TOX: variants seen among roughly 807,000 people sequenced by gnomAD.
TOX encodes the protein thymocyte selection associated high mobility group box.
A neutral mutation model predicts 53.7 loss-of-function variants in TOX; 11 were observed. The observed-to-expected ratio is 0.20, with a 90% CI of 0.13 to 0.34. The LOEUF is 0.34. Among genes scored for constraint, TOX ranks in the 10% least tolerant of loss-of-function variants. The probability of loss-of-function intolerance (pLI) is 1.00; values close to 1 mark genes in which losing one functional copy is unlikely to be tolerated. For synonymous variants in TOX, 225 were observed against 245.3 expected (o/e 0.92, Z 0.77); for missense variants, 570 against 664.6 (o/e 0.86, Z 1.56).
intron 1 of TOX, among the ~76,000 whole-genome samples, chr8:59,058,900 G>C (rs73254502): frequency 0.078 from 11,895 of 152,220 alleles, 660 homozygotes; most frequent in Middle Eastern, 0.15. Context: ...ACAGCCCAGG[G>C]CATCCAGGAA....
At chr8:58,827,575 T>C (rs573785811) in intron 5 of TOX, among the ~76,000 whole-genome samples, 13 of 152,204 alleles carry the variant, frequency 8.5e-5, no homozygotes, top group Non-Finnish European at 1.6e-4. Flanking sequence ...ACACTGGATG[T>C]CATGGGTCTG....
intron 1 of TOX, among the ~76,000 whole-genome samples, chr8:59,094,149 G>A (rs908827792): frequency 6.6e-6 from 1 of 151,860 alleles, no homozygotes; most frequent in Non-Finnish European, 1.5e-5. Flanking sequence ...TCTTTAATAA[G>A]ATAAATATTT....
At chr8:58,906,976 A>G (rs1227170757) in intron 3 of TOX, among the ~76,000 whole-genome samples, 1 of 152,236 alleles carries the variant, frequency 6.6e-6, no homozygotes, top group African/African-American at 2.4e-5. Flanking sequence ...AGCCTGTAGC[A>G]CTGAAAGTCT....
At position 58,837,799 on chromosome 8, in the gene TOX, C is replaced by T. The variant is rs150651867; in HGVS notation, c.924+282G>A. 6.2e-3 allele frequency among the ~76,000 whole-genome samples: 949 copies of T among 152,172 alleles called. 8 individuals carry two copies. The highest frequency in any genetic ancestry group is 0.021 in the African/African-American group (887 of 41,496). On this transcript the variant is annotated intron_variant, in intron 5 of 8. Coordinates refer to ENST00000361421, the MANE Select transcript of TOX (RefSeq NM_014729.3). ...TCAGTCTTTATGTTCACATTGGCAA[C>T]ATTAAGGAATAAGGCAATCCTGTCT... is the stretch of plus-strand genomic sequence containing the variant.
At chr8:58,849,721 G>C (rs566802276) in intron 4 of TOX, among the ~76,000 whole-genome samples, 1 of 152,248 alleles carries the variant, frequency 6.6e-6, no homozygotes, top group Non-Finnish European at 1.5e-5. Context: ...TGAAATGTCA[G>C]GAATGAATAC....
intron 5 of TOX, among the ~76,000 whole-genome samples, chr8:58,828,295 C>T (rs1810396724): frequency 6.6e-6 from 1 of 152,156 alleles, no homozygotes; most frequent in Admixed American, 6.5e-5. Context: ...TATAACAGGA[C>T]TGTATGAAAT....
intron 1 of TOX, among the ~76,000 whole-genome samples, chr8:59,001,131 C>T (rs1241732093): frequency 6.6e-6 from 1 of 152,104 alleles, no homozygotes; most frequent in Non-Finnish European, 1.5e-5. Context: ...CCTACAAGAA[C>T]TAAGATTACT....
intron 3 of TOX, among the ~76,000 whole-genome samples, chr8:58,932,964 T>A (rs1812282526): frequency 6.6e-6 from 1 of 152,178 alleles, no homozygotes; most frequent in Non-Finnish European, 1.5e-5. Flanking sequence ...CCCCCCAATT[T>A]TATTGCCTTT....
intron 2 of TOX, among the ~76,000 whole-genome samples, chr8:58,950,361 C>CAA (rs1812601876): frequency 6.6e-6 from 1 of 152,146 alleles, no homozygotes; most frequent in Admixed American, 6.5e-5. Context: ...ATAAAGAAGC[C>CAA]AAATTAGCGG....
At position 58,826,834 on chromosome 8, in the gene TOX, G is replaced by C. The variant is rs1301960617; in HGVS notation, c.993C>G (p.Ser331Arg). Residue 331 changes from serine to arginine, a missense_variant, in exon 6 of 9, where the codon AGC becomes AGG. Physicochemically the swap from Ser to Arg is moderately radical, Grantham distance 110 (BLOSUM62 -1). Transcript: ENST00000361421. ...YLKQLAAYRASLVSKSYSEPV... is the reference protein window; with the variant it reads ...YLKQLAAYRARLVSKSYSEPV... ...AACTGCACGTTACCTTGGATACAAG[G>C]CTGGCTCTGTATGCTGCGAGTTGCT... The C allele has an allele frequency of 6.2e-7, 1 of 1,609,456 alleles. No individual in the cohort carries two copies. The highest frequency in any genetic ancestry group is 8.5e-7 in the Non-Finnish European group (1 of 1,178,276).
intron 1 of TOX, among the ~76,000 whole-genome samples, chr8:59,102,062 C>T (rs374051792): frequency 1.3e-5 from 2 of 152,198 alleles, no homozygotes; most frequent in African/African-American, 4.8e-5. Context: ...AAAGACACAC[C>T]CAAGACTGAG....
intron 1 of TOX, among the ~76,000 whole-genome samples, chr8:59,016,120 T>TA (rs560159207): frequency 3.3e-5 from 5 of 151,974 alleles, no homozygotes; most frequent in African/African-American, 4.8e-5. Flanking sequence ...CTTCTCTTCT[T>TA]AAAAAAAATC....
At chr8:58,929,498 G>GA (rs912530543) in intron 3 of TOX, among the ~76,000 whole-genome samples, 4 of 150,410 alleles carry the variant, frequency 2.7e-5, no homozygotes, top group Non-Finnish European at 4.4e-5. Context: ...AAACTAAAAT[G>GA]AAAAAAAAAT....
Position 59,117,817 on chromosome 8 carries a change from G to A in TOX, c.102+1069C>T, listed in dbSNP as rs1805132317. On this transcript the variant is annotated intron_variant, in intron 1 of 8. Transcript: ENST00000361421. This position sits in a 1 kb window ranked among gnomAD's most constrained non-coding sequence, Gnocchi z 4.6. ...TGGGCGTCTAAAAGGCCCGCCCAGC[G>A]TTTTAGAGAACTCAATTCTCTCTGC... 1.3e-5 allele frequency among the ~76,000 whole-genome samples: 2 copies of A among 152,196 alleles called. No homozygotes were observed. Among genetic ancestry groups the A allele is most frequent in the Non-Finnish European group, 2.9e-5 (2 of 68,038 alleles).
intron 1 of TOX, among the ~76,000 whole-genome samples, chr8:59,056,528 G>C (rs1342330913): frequency 2.6e-5 from 4 of 151,024 alleles, no homozygotes; most frequent in African/African-American, 9.7e-5. Flanking sequence ...TGACCCCTTA[G>C]TAAAATGTTT....
intron 1 of TOX, among the ~76,000 whole-genome samples, chr8:58,966,099 T>C (rs1294884387): frequency 1.3e-5 from 2 of 152,094 alleles, no homozygotes; most frequent in Non-Finnish European, 2.9e-5. Flanking sequence ...CCACACTTAC[T>C]GCACATCCTC....
At chr8:59,033,950 C>T (rs973814481) in intron 1 of TOX, among the ~76,000 whole-genome samples, 4 of 152,196 alleles carry the variant, frequency 2.6e-5, no homozygotes, top group African/African-American at 9.7e-5. Flanking sequence ...ACTGAAAGTC[C>T]TTGGAATCTT....
intron 1 of TOX, among the ~76,000 whole-genome samples, chr8:59,083,167 G>A (rs1483557303): frequency 2.0e-5 from 3 of 152,142 alleles, no homozygotes; most frequent in African/African-American, 7.2e-5. Flanking sequence ...AAGGGAGGAA[G>A]GGCAGAGGAA....
chr8:59,067,125 CG>C lies in TOX; in HGVS notation c.102+51760del, dbSNP rs199960853. On this transcript the variant is annotated intron_variant, in intron 1 of 8. Coordinates refer to ENST00000361421, the MANE Select transcript of TOX (RefSeq NM_014729.3). ...CCTACTGCAAATCCAGAAGGGGGGCCGGGGGGTTGATATGCTACCAATTTTT... is the reference window on the plus strand; with the variant it reads ...CCTACTGCAAATCCAGAAGGGGGGCCGGGGGTTGATATGCTACCAATTTTT... 6.7e-3 allele frequency among the ~76,000 whole-genome samples: 1,015 copies of C among 151,582 alleles called. 12 individuals are homozygous for C. Among genetic ancestry groups the C allele is most frequent in the African/African-American group, 0.023 (966 of 41,274 alleles).
Sources: allele counts gnomAD v4.1 joint callset (sites outside exome capture counted in the v4.1 genomes callset), GRCh38; gene constraint gnomAD v4.1.1; non-coding constraint Gnocchi (gnomAD v3.1); transcripts MANE v1.5; gene names NCBI Gene and HGNC (gene_info 2026-07-23, HGNC 2026-07-21).